The following SAR1B variants were observed in gnomAD, a reference collection of about 807,000 sequenced individuals.
SAR1B encodes the protein secretion associated Ras related GTPase 1B, also known as small COPII coat GTPase SAR1B.
Under a neutral mutation model 26.8 loss-of-function variants are expected in SAR1B, and 23 were observed. The ratio of observed to expected loss-of-function variants is 0.86; its 90% CI spans 0.62 to 1.22. The LOEUF (loss-of-function observed/expected upper bound fraction) is 1.22, where lower values mean the gene tolerates loss of function less well. Among genes scored for constraint, SAR1B ranks in the 50% most tolerant of loss-of-function variants. SAR1B has a pLI of 0.00. For synonymous variants in SAR1B, 65 were observed against 80.8 expected (o/e 0.80, Z 1.05); for missense variants, 196 against 232.8 (o/e 0.84, Z 1.03).
intron 3 of SAR1B, among the ~76,000 whole-genome samples, chr5:134,616,129 CG>C (rs1285176000): frequency 9.0e-6 from 1 of 111,664 alleles, no homozygotes; most frequent in African/African-American, 3.6e-5. Flanking sequence ...GACTCCATCT[CG>C]GAAAAAAAAA....
intron 2 of SAR1B, among the ~76,000 whole-genome samples, chr5:134,621,823 A>C (rs918036645): frequency 2.0e-5 from 3 of 152,150 alleles, no homozygotes; most frequent in African/African-American, 4.8e-5. Flanking sequence ...TGCAGCCTCA[A>C]CTTCCTGGGC....
intron 1 of SAR1B, among the ~76,000 whole-genome samples, chr5:134,630,889 CTTTTTTT>C (rs781218368): frequency 0.01 from 698 of 69,112 alleles, 2 homozygotes; most frequent in Middle Eastern, 0.045. Flanking sequence ...CTTTTTTTTT[CTTTTTTT>C]TTTTTTTTTT....
At chr5:134,624,155 G>A (rs1765458652) in intron 1 of SAR1B, 118 bp from the exon 2 acceptor site, 2 of 705,812 alleles carry the variant, frequency 2.8e-6, no homozygotes, top group Non-Finnish European at 5.2e-6. Flanking sequence ...ACTACAAAGA[G>A]TTACACACTT....
chr5:134,609,067 C>T, intron 5 of SAR1B: 1 of 456,616 alleles, frequency 2.2e-6, no homozygotes, highest in Non-Finnish European at 4.4e-6. Flanking sequence ...GACCTGCTTA[C>T]TCTGTGGCCC....
At chr5:134,630,159 G>A (rs867208791) in intron 1 of SAR1B, among the ~76,000 whole-genome samples, 3 of 151,866 alleles carry the variant, frequency 2.0e-5, no homozygotes, top group East Asian at 1.9e-4. Context: ...AGTACTTAAC[G>A]AAATGAGTGT....
At chr5:134,608,558 C>T in intron 5 of SAR1B, 55 bp from the exon 6 acceptor site, 1 of 1,563,868 alleles carries the variant, frequency 6.4e-7, no homozygotes, top group Non-Finnish European at 8.7e-7. Flanking sequence ...ATCCAAAGAG[C>T]TTATTTTGAT....
At chr5:134,612,346 A>G (rs1420876011) in intron 4 of SAR1B, among the ~76,000 whole-genome samples, 1 of 152,118 alleles carries the variant, frequency 6.6e-6, no homozygotes, top group Non-Finnish European at 1.5e-5. Context: ...TTTTAAATCT[A>G]CTCTGGCCTT....
chr5:134,619,441 C>G (rs774625147), intron 3 of SAR1B, among the ~76,000 whole-genome samples: 29 of 151,746 alleles, frequency 1.9e-4, no homozygotes, highest in Non-Finnish European at 3.7e-4. Context: ...CTCAGTGAAG[C>G]CTTGAACACC....
At chr5:134,617,192 A>G (rs1480727772) in intron 3 of SAR1B, among the ~76,000 whole-genome samples, 1 of 152,086 alleles carries the variant, frequency 6.6e-6, no homozygotes, top group Non-Finnish European at 1.5e-5. Flanking sequence ...CGATTGTGCC[A>G]TTGCACTCCA....
Position 134,612,680 on chromosome 5 carries a change from A to AAAAAAAAAAAAAAATT in SAR1B, c.244+10_244+11insAATTTTTTTTTTTTTT. 9.6e-7 allele frequency: 1 copy of AAAAAAAAAAAAAAATT among 1,043,434 alleles called. No individual in the cohort carries two copies. Among genetic ancestry groups the AAAAAAAAAAAAAAATT allele is most frequent in the Non-Finnish European group, 1.3e-6 (1 of 760,638 alleles). 64.6% of individuals were successfully genotyped at this position (1,043,434 alleles called of 1,614,324 possible). A position where few individuals can be genotyped will look rare whatever the true frequency, so the allele number is the denominator to read the frequency against. ...AAAAAAAAAAAAAAAAAAAAAAAAA[A>AAAAAAAAAAAAAAATT]AGAATCTTACCTTGAACATGTCCAC... On this transcript the variant is annotated intron_variant, in intron 4 of 6. Transcript: ENST00000402673.
At position 134,603,304 on chromosome 5, in the gene SAR1B, T is replaced by C. The variant is rs1011442874; in HGVS notation, c.*3646A>G. 3.9e-5 allele frequency: 6 copies of C among 152,144 alleles called. No individual in the cohort carries two copies. Among genetic ancestry groups the C allele is most frequent in the African/African-American group, 1.2e-4 (5 of 41,432 alleles). The allele number at this position is 152,144 out of a possible 1,614,324, so 9.4% of individuals were successfully genotyped here. A position where few individuals can be genotyped will look rare whatever the true frequency, so the allele number is the denominator to read the frequency against. ...ACATACCAAATACAGTTTCAGAAAA[T>C]GTAAACCTTTCCCCTGAAACTCTCC... On this transcript the variant is annotated 3_prime_UTR_variant, in exon 7 of 7. Coordinates refer to ENST00000402673, the MANE Select transcript of SAR1B (RefSeq NM_016103.4).
At chr5:134,620,230 C>T (rs998788573) in intron 3 of SAR1B, among the ~76,000 whole-genome samples, 6 of 151,538 alleles carry the variant, frequency 4.0e-5, no homozygotes, top group Admixed American at 2.6e-4. Context: ...GGCGTGAACC[C>T]GGGAGGTGGA....
intron 3 of SAR1B, among the ~76,000 whole-genome samples, chr5:134,616,690 T>C (rs1387292691): frequency 1.3e-5 from 2 of 152,128 alleles, no homozygotes; most frequent in Non-Finnish European, 2.9e-5. Flanking sequence ...TCAATCCCCA[T>C]TTTCATCTCC....
At position 134,604,290 on chromosome 5, in the gene SAR1B, G is replaced by A. The variant is rs1443105368; in HGVS notation, c.*2660C>T. ...GTATGTATACCACAGTGTTAACTAC[G>A]CCCTAGCATCTTGCAGTGTGGGACA... On this transcript the variant is annotated 3_prime_UTR_variant, in exon 7 of 7. Coordinates refer to ENST00000402673, the MANE Select transcript of SAR1B (RefSeq NM_016103.4). 2 of 152,126 alleles carry A rather than the reference G, an allele frequency of 1.3e-5. No individual in the cohort carries two copies. The highest frequency in any genetic ancestry group is 2.4e-5 in the African/African-American group (1 of 41,434). 9.4% of individuals were successfully genotyped at this position (152,126 alleles called of 1,614,324 possible).
chr5:134,626,393 T>TA (rs1765495269), intron 1 of SAR1B, among the ~76,000 whole-genome samples: 1 of 151,932 alleles, frequency 6.6e-6, no homozygotes, highest in Non-Finnish European at 1.5e-5. Flanking sequence ...ACTGTTTTTT[T>TA]ATTGTTATTT....
At chr5:134,623,770 G>C (rs534798894) in intron 2 of SAR1B, among the ~76,000 whole-genome samples, 192 bp downstream of exon 2, 1 of 152,190 alleles carries the variant, frequency 6.6e-6, no homozygotes, top group East Asian at 1.9e-4. Flanking sequence ...GGTGAAAAAA[G>C]TAATTTGCCA....
At chr5:134,609,543 T>C (rs759802496) in intron 5 of SAR1B, 28 bp downstream of exon 5, 2 of 1,553,792 alleles carry the variant, frequency 1.3e-6, no homozygotes, top group Non-Finnish European at 1.8e-6. Context: ...GTGATTTGAC[T>C]ATATTTAGTT....
At position 134,607,060 on chromosome 5, in the gene SAR1B, T is replaced by C. The variant is rs781770107; in HGVS notation, c.487A>G (p.Ile163Val). 6.9e-6 allele frequency: 11 copies of C among 1,593,504 alleles called. No homozygotes were observed. The highest frequency in any genetic ancestry group is 6.6e-5 in the South Asian group (6 of 90,618). ...LYGQTTGKGS[I>V]SLKELNARPL... ...CGGGCATTCAGTTCTTTCAGAGATA[T>C]ACTCCCCTAGAATAGAAGAGAGACA... Residue 163 changes from isoleucine (I) to valine (V), a missense_variant, in exon 7 of 7, where the codon ATA becomes GTA. Ile to Val is a conservative substitution (Grantham distance 29). Transcript: ENST00000402673.
Position 134,608,477 on chromosome 5 carries a change from A to G in SAR1B, c.375T>C (p.Ala125=). ...LDSLMTDETI[A]NVPILILGNK... ...TCCCAAGAATCAGTATAGGCACATT[A>G]GCAATGGTTTCATCTGTCATTAGTG... The change falls in exon 6 of 7, where the codon GCT becomes GCC. Residue 125 remains alanine (A), a synonymous_variant. Transcript: ENST00000402673. 1 of 1,612,676 alleles carries G rather than the reference A, an allele frequency of 6.2e-7. No homozygotes were observed. Among genetic ancestry groups the G allele is most frequent in the Non-Finnish European group, 8.5e-7 (1 of 1,179,486 alleles).
Sources: gnomAD v4.1 joint callset for allele counts (sites outside exome capture counted in the v4.1 genomes callset) on GRCh38, gnomAD v4.1.1 for gene constraint, MANE v1.5 for transcripts, NCBI Gene and HGNC (gene_info 2026-07-23, HGNC 2026-07-21) for gene names.